Variants in RPTOR observed in about 807,000 individuals in gnomAD.
RPTOR encodes the protein regulatory associated protein of MTOR complex 1.
In RPTOR, 21 loss-of-function variants were observed where a neutral mutation model predicts 169.9. The observed-to-expected ratio is 0.12, with a 90% CI of 0.09 to 0.18. The LOEUF (loss-of-function observed/expected upper bound fraction) is 0.18. Among genes scored for constraint, RPTOR ranks in the 10% least tolerant of loss-of-function variants. RPTOR has a pLI of 1.00. For synonymous variants in RPTOR, 732 were observed against 753.2 expected (o/e 0.97, Z 0.46); for missense variants, 1,133 against 1,855.9 (o/e 0.61, Z 7.16).
intron 1 of RPTOR, among the ~76,000 whole-genome samples, chr17:80,588,299 A>G (rs1017573902): frequency 1.1e-4 from 16 of 151,662 alleles, no homozygotes; most frequent in African/African-American, 3.9e-4. Context: ...AGTAGCTGGG[A>G]TTACAGGTGT....
intron 3 of RPTOR, among the ~76,000 whole-genome samples, chr17:80,680,544 G>A (rs2019154): frequency 0.18 from 27,214 of 152,066 alleles, 2,849 homozygotes; most frequent in East Asian, 0.24. Context: ...CAGGAGAATC[G>A]CTTGAACCCA....
intron 2 of RPTOR, among the ~76,000 whole-genome samples, chr17:80,640,419 C>CT (rs2065544029): frequency 1.3e-5 from 2 of 152,260 alleles, no homozygotes; most frequent in African/African-American, 2.4e-5. Flanking sequence ...TCTTTCCCGT[C>CT]TCTTCCTCTG....
intron 6 of RPTOR, among the ~76,000 whole-genome samples, chr17:80,789,097 T>C (rs538022211): frequency 6.6e-6 from 1 of 152,246 alleles, no homozygotes; most frequent in Non-Finnish European, 1.5e-5. Context: ...GAACATTATA[T>C]TTTCACTGAA....
At chr17:80,551,414 G>C (rs2084343726) in intron 1 of RPTOR, among the ~76,000 whole-genome samples, 1 of 152,126 alleles carries the variant, frequency 6.6e-6, no homozygotes, top group Admixed American at 6.5e-5. Flanking sequence ...CCGAGAGGGG[G>C]ATGTGTCAGG....
At chr17:80,888,073 T>C (rs1011926476) in intron 17 of RPTOR, among the ~76,000 whole-genome samples, 1 of 152,204 alleles carries the variant, frequency 6.6e-6, no homozygotes, top group Non-Finnish European at 1.5e-5. Context: ...CTCCCTGTCA[T>C]GGCCTCGGGA....
At chr17:80,658,653 C>T (rs1310497709) in intron 3 of RPTOR, among the ~76,000 whole-genome samples, 1 of 152,222 alleles carries the variant, frequency 6.6e-6, no homozygotes, top group African/African-American at 2.4e-5. Context: ...TCTGTCTCCC[C>T]TGCTGACGCT....
At chr17:80,899,064 C>A (rs1301797587) in intron 20 of RPTOR, among the ~76,000 whole-genome samples, 1 of 152,154 alleles carries the variant, frequency 6.6e-6, no homozygotes, top group Non-Finnish European at 1.5e-5. Flanking sequence ...CACTACACAA[C>A]AACCCAGACA....
chr17:80,836,253 A>G (rs1213025512), intron 9 of RPTOR, among the ~76,000 whole-genome samples: 1 of 152,222 alleles, frequency 6.6e-6, no homozygotes, highest in Non-Finnish European at 1.5e-5. Flanking sequence ...TCCCGGTCAG[A>G]TCTTTTCTTC....
At chr17:80,687,871 T>G (rs1031161492) in intron 3 of RPTOR, among the ~76,000 whole-genome samples, 2 of 152,150 alleles carry the variant, frequency 1.3e-5, no homozygotes, top group African/African-American at 2.4e-5. Context: ...CCGCACTGCC[T>G]TCAATTCACC....
At chr17:80,750,567 C>T (rs1319137007) in intron 5 of RPTOR, among the ~76,000 whole-genome samples, 1 of 152,184 alleles carries the variant, frequency 6.6e-6, no homozygotes. Context: ...CACACATGGC[C>T]GCTCCCACCT....
chr17:80,856,742 C>T (rs2067856907), intron 12 of RPTOR, among the ~76,000 whole-genome samples: 1 of 152,176 alleles, frequency 6.6e-6, no homozygotes, highest in Non-Finnish European at 1.5e-5. Context: ...AGACAGGAAG[C>T]ATGTATTCAT....
chr17:80,741,693 C>A (rs1018221871), intron 5 of RPTOR, among the ~76,000 whole-genome samples: 1 of 152,190 alleles, frequency 6.6e-6, no homozygotes, highest in Non-Finnish European at 1.5e-5. Context: ...AGTGGACAAA[C>A]CCTGGCTCTA....
chr17:80,599,748 G>A (rs567970469), intron 1 of RPTOR, among the ~76,000 whole-genome samples: 28 of 152,288 alleles, frequency 1.8e-4, no homozygotes, highest in South Asian at 6.2e-4. Flanking sequence ...TGCCTACCCC[G>A]GAAGGAAAGG....
chr17:80,827,859 C>T (rs1197028678), intron 9 of RPTOR, among the ~76,000 whole-genome samples: 3 of 152,234 alleles, frequency 2.0e-5, no homozygotes, highest in African/African-American at 7.2e-5. Flanking sequence ...CCCCTCACAG[C>T]AGGTACTGCC....
chr17:80,908,722 C>G, intron 20 of RPTOR, 89 bp from the exon 21 acceptor site: 1 of 889,470 alleles, frequency 1.1e-6, no homozygotes. Context: ...CTTCTGATAC[C>G]AGGGTTAGGG....
intron 1 of RPTOR, among the ~76,000 whole-genome samples, chr17:80,602,142 G>A (rs1453710760): frequency 1.5e-5 from 1 of 67,006 alleles, no homozygotes; most frequent in Admixed American, 1.1e-4. Flanking sequence ...CAGTAGGGGC[G>A]GCCGGGCAGA....
Position 80,754,277 on chromosome 17 carries a change from C to G in RPTOR, c.830+92C>G, listed in dbSNP as rs929884538. On this transcript the variant is annotated intron_variant, in intron 6 of 33. Transcript: ENST00000306801. The surrounding 1 kb of genome is among the most constrained non-coding windows in gnomAD (Gnocchi z 4.2). ...TGTGGGCCCCAGGCATTCACCTGGTCCCAGGAGCCCACGTGACAGACATGA... is the reference window on the plus strand; with the variant it reads ...TGTGGGCCCCAGGCATTCACCTGGTGCCAGGAGCCCACGTGACAGACATGA... 3.1e-6 allele frequency: 4 copies of G among 1,273,056 alleles called. No individual in the cohort carries two copies. Among genetic ancestry groups the G allele is most frequent in the Non-Finnish European group, 4.3e-6 (4 of 927,436 alleles). The allele number at this position is 1,273,056 out of a possible 1,614,324, so 78.9% of individuals were successfully genotyped here. A position where few individuals can be genotyped will look rare whatever the true frequency, so the allele number is the denominator to read the frequency against.
chr17:80,873,016 C>A (rs771621374), intron 13 of RPTOR, among the ~76,000 whole-genome samples: 1 of 152,150 alleles, frequency 6.6e-6, no homozygotes, highest in Non-Finnish European at 1.5e-5. Context: ...GACCCCCAGC[C>A]TGACTTCTCC....
At chr17:80,770,356 C>T (rs751245201) in intron 6 of RPTOR, among the ~76,000 whole-genome samples, 3 of 152,178 alleles carry the variant, frequency 2.0e-5, no homozygotes, top group Admixed American at 6.5e-5. Flanking sequence ...GCCTTCTCAG[C>T]GTAGCAGCCC....
Sources: allele counts gnomAD v4.1 joint callset (sites outside exome capture counted in the v4.1 genomes callset), GRCh38; gene constraint gnomAD v4.1.1; non-coding constraint Gnocchi (gnomAD v3.1); transcripts MANE v1.5; gene names NCBI Gene and HGNC (gene_info 2026-07-23, HGNC 2026-07-21).